Variants in SAG observed in about 807,000 individuals in gnomAD.
The protein encoded by SAG is S-antigen visual arrestin.
A neutral mutation model predicts 55.0 loss-of-function variants in SAG; 45 were observed. The ratio of observed to expected loss-of-function variants is 0.82; its 90% CI spans 0.64 to 1.05. The LOEUF (loss-of-function observed/expected upper bound fraction) is 1.05, where lower values mean the gene tolerates loss of function less well. Among genes scored for constraint, SAG ranks in the 50% least tolerant of loss-of-function variants. The pLI is 0.00. For synonymous variants in SAG, 189 were observed against 197.4 expected, an observed-to-expected ratio of 0.96 and a Z score of 0.36; for missense variants, 455 against 512.1, an observed-to-expected ratio of 0.89 and a Z score of 1.08.
rs1181182741 is a variant in SAG at position 233,335,077 on chromosome 2, A to T, written c.922A>T (p.Thr308Ser). The T allele has an allele frequency of 1.9e-6, 3 of 1,613,836 alleles. No homozygotes were observed. The highest frequency in any genetic ancestry group is 2.5e-6 in the Non-Finnish European group (3 of 1,179,762). Residue 308 changes from threonine to serine, a missense_variant, in exon 11 of 16, where the codon ACA becomes TCA. By Grantham distance (58) the Thr-to-Ser change is moderately conservative (BLOSUM62 1). Coordinates refer to ENST00000409110, the MANE Select transcript of SAG (RefSeq NM_000541.5). ...ALDGKIKHED[T>S]NLASSTIIKE... Reference sequence around the variant, plus strand: ...GGATGGGAAAATCAAGCACGAGGACACAAACCTTGCCTCCAGCACCATGTG... The same window carrying T: ...GGATGGGAAAATCAAGCACGAGGACTCAAACCTTGCCTCCAGCACCATGTG...
chr2:233,325,890 C>T (rs983721852), intron 6 of SAG, among the ~76,000 whole-genome samples: 6 of 152,190 alleles, frequency 3.9e-5, no homozygotes, highest in African/African-American at 1.2e-4. Flanking sequence ...GTTGGTGTGG[C>T]TCAACAACGG....
intron 9 of SAG, chr2:233,331,389 C>T (rs1700757669): frequency 3.6e-6 from 2 of 548,096 alleles, no homozygotes; most frequent in Non-Finnish European, 3.2e-6. Flanking sequence ...GAGGGGTCTC[C>T]CAGGAGCTGC....
chr2:233,336,995 C>T (rs1700952884), intron 11 of SAG, among the ~76,000 whole-genome samples: 1 of 151,950 alleles, frequency 6.6e-6, no homozygotes. Flanking sequence ...ATTTGAGAGG[C>T]TGAGATGACA....
intron 7 of SAG, 192 bp downstream of exon 7, chr2:233,327,389 G>A (rs1166096785): frequency 1.9e-6 from 1 of 513,286 alleles, no homozygotes. Flanking sequence ...AAATGACAGG[G>A]AAGTTAGCAA....
intron 10 of SAG, chr2:233,332,103 T>G (rs1364595390): frequency 1.2e-5 from 3 of 241,546 alleles, no homozygotes; most frequent in African/African-American, 6.9e-5. Flanking sequence ...TTCCCTATCT[T>G]TTGATCTCAA....
intron 9 of SAG, among the ~76,000 whole-genome samples, chr2:233,331,266 G>A (rs929463866): frequency 6.6e-6 from 1 of 152,138 alleles, no homozygotes; most frequent in Non-Finnish European, 1.5e-5. Flanking sequence ...TATCCACCAC[G>A]TTCCACCCAC....
intron 14 of SAG, chr2:233,343,101 T>C (rs1307770019): frequency 7.2e-5 from 10 of 138,408 alleles, no homozygotes; most frequent in African/African-American, 2.8e-4. Flanking sequence ...TTTTTTTTTT[T>C]TTCTGAGATG....
intron 11 of SAG, among the ~76,000 whole-genome samples, chr2:233,337,378 A>C (rs1042908799): frequency 2.6e-5 from 4 of 152,096 alleles, no homozygotes; most frequent in Admixed American, 2.0e-4. Context: ...AGCTGGGATT[A>C]GAGGCTCCCA....
At chr2:233,337,877 C>T (rs1241855315) in intron 11 of SAG, among the ~76,000 whole-genome samples, 10 of 152,216 alleles carry the variant, frequency 6.6e-5, no homozygotes, top group Admixed American at 6.5e-4. Flanking sequence ...GGATCCCACG[C>T]GATAAGCATC....
intron 7 of SAG, 121 bp from the exon 8 acceptor site, chr2:233,328,357 C>T: frequency 1.6e-6 from 2 of 1,252,520 alleles, no homozygotes; most frequent in South Asian, 1.5e-5. Context: ...TCTTCCCGTC[C>T]ACCCTGTCTC....
chr2:233,338,951 G>A (rs1701019348), intron 12 of SAG, 198 bp downstream of exon 12: 3 of 682,988 alleles, frequency 4.4e-6, no homozygotes, highest in Non-Finnish European at 8.1e-6. Context: ...GGTGGGAAAG[G>A]GTGGAGAAGC....
rs181551938 is a variant in SAG at position 233,316,380 on chromosome 2, T to C, written c.136+245T>C. 7.4e-4 allele frequency among the ~76,000 whole-genome samples: 113 copies of C among 152,216 alleles called. 1 individual carries two copies. In the East Asian group the frequency reaches 0.02, roughly 27 times the overall value. On this transcript the variant is annotated intron_variant, in intron 3 of 15. Coordinates refer to ENST00000409110, the MANE Select transcript of SAG (RefSeq NM_000541.5). ...GGGCTGGAGTGCAGTGGCATGATCT[T>C]GGCTCACTGCAACCTCTGCCTCCTG...
intron 2 of SAG, among the ~76,000 whole-genome samples, chr2:233,314,760 C>T (rs141316503): frequency 3.3e-5 from 5 of 152,164 alleles, no homozygotes; most frequent in East Asian, 1.9e-4. Flanking sequence ...ATCATTCATG[C>T]GAGTAACCTA....
chr2:233,328,645 GCAGCAGGCCTAGGGGCAGGCCCCA>G (rs1464486340), intron 8 of SAG, 32 bp downstream of exon 8: 1 of 1,586,520 alleles, frequency 6.3e-7, no homozygotes, highest in Non-Finnish European at 8.6e-7. Context: ...TACCCGCAGG[GCAGCAGGCCTAGGGGCAGGCCCCA>G]CACCCCTCTC....
chr2:233,326,442 G>A (rs1348500120), intron 6 of SAG, among the ~76,000 whole-genome samples: 4 of 151,940 alleles, frequency 2.6e-5, no homozygotes, highest in Admixed American at 6.6e-5. Context: ...AAAATCAGCC[G>A]GGCATGGTGG....
At chr2:233,315,240 G>A (rs7583380) in intron 2 of SAG, among the ~76,000 whole-genome samples, 7,841 of 150,596 alleles carry the variant, frequency 0.052, 247 homozygotes, top group South Asian at 0.1. Context: ...GATTTCAGGG[G>A]CTTCTCCAGA....
intron 8 of SAG, 65 bp from the exon 9 acceptor site, chr2:233,329,428 G>C: frequency 1.1e-6 from 1 of 936,096 alleles, no homozygotes; most frequent in South Asian, 1.4e-5. Context: ...AATCTAGAAA[G>C]CAGTAAGATT....
At chr2:233,328,366 TCCATGG>T (rs1346665317) in intron 7 of SAG, 106 bp from the exon 8 acceptor site, 1 of 1,345,020 alleles carries the variant, frequency 7.4e-7, no homozygotes, top group African/African-American at 1.5e-5. Context: ...CCACCCTGTC[TCCATGG>T]GGAGCATTCC....
chr2:233,327,394 TA>T, intron 7 of SAG, 197 bp downstream of exon 7: 1 of 501,498 alleles, frequency 2.0e-6, no homozygotes, highest in South Asian at 2.9e-5. Flanking sequence ...ACAGGGAAGT[TA>T]GCAACCTCCA....
Sources: gnomAD v4.1 joint callset for allele counts (sites outside exome capture counted in the v4.1 genomes callset) on GRCh38, gnomAD v4.1.1 for gene constraint, MANE v1.5 for transcripts, NCBI Gene and HGNC (gene_info 2026-07-23, HGNC 2026-07-21) for gene names.